The following TENM3 variants were observed in gnomAD, a reference collection of about 807,000 sequenced individuals.
The protein encoded by TENM3 is teneurin transmembrane protein 3.
Under a neutral mutation model 255.1 loss-of-function variants are expected in TENM3, and 63 were observed. That is an observed-to-expected ratio of 0.25 (90% CI 0.20 to 0.30). TENM3 has a LOEUF of 0.30. Among genes scored for constraint, TENM3 ranks in the 10% least tolerant of loss-of-function variants. The pLI, the probability that TENM3 is intolerant of heterozygous loss-of-function variation, is 1.00. For synonymous variants in TENM3, 1,306 were observed against 1,322.3 expected, an observed-to-expected ratio of 0.99 and a Z score of 0.27; for missense variants, 2,929 against 3,461.1, an observed-to-expected ratio of 0.85 and a Z score of 3.86.
the TENM3 span, among the ~76,000 whole-genome samples, chr4:181,478,893 T>G: frequency 6.6e-6 from 1 of 152,176 alleles, no homozygotes; most frequent in Non-Finnish European, 1.5e-5. Context: ...GAGAATAGAA[T>G]TGAAACGGGA....
chr4:182,117,021 T>C, the TENM3 span, among the ~76,000 whole-genome samples: 3 of 152,242 alleles, frequency 2.0e-5, no homozygotes, highest in African/African-American at 7.2e-5. Context: ...TGTTTTAACT[T>C]GCATTTCCCA....
chr4:182,478,784 A>G (rs749161583), intron 3 of TENM3, among the ~76,000 whole-genome samples: 1 of 151,970 alleles, frequency 6.6e-6, no homozygotes, highest in Non-Finnish European at 1.5e-5. Flanking sequence ...GATTATACTT[A>G]AATTTTGTGT....
At chr4:181,472,387 G>T in the TENM3 span, among the ~76,000 whole-genome samples, 3 of 152,064 alleles carry the variant, frequency 2.0e-5, no homozygotes, top group Non-Finnish European at 4.4e-5. Context: ...GGGGCAAATT[G>T]TCATACCACA....
At chr4:182,075,864 A>G in the TENM3 span, among the ~76,000 whole-genome samples, 1 of 152,118 alleles carries the variant, frequency 6.6e-6, no homozygotes, top group Non-Finnish European at 1.5e-5. Flanking sequence ...TTTCCCCTCA[A>G]ATAAAATCTG....
intron 1 of TENM3, among the ~76,000 whole-genome samples, chr4:182,275,136 T>G (rs1041581430): frequency 2.0e-5 from 3 of 152,170 alleles, no homozygotes; most frequent in Admixed American, 2.0e-4. Flanking sequence ...TATTTTTTAT[T>G]TAATTGGAGT....
At chr4:181,713,129 T>C in the TENM3 span, among the ~76,000 whole-genome samples, 6 of 152,214 alleles carry the variant, frequency 3.9e-5, no homozygotes, top group Non-Finnish European at 5.9e-5. Flanking sequence ...AATTAGACTG[T>C]TGGCACCTTC....
At chr4:182,079,109 T>C in the TENM3 span, among the ~76,000 whole-genome samples, 1 of 152,216 alleles carries the variant, frequency 6.6e-6, no homozygotes, top group Admixed American at 6.5e-5. Context: ...TAATTTGTGC[T>C]TTTGTCAAAA....
At chr4:181,852,359 A>G in the TENM3 span, among the ~76,000 whole-genome samples, 1 of 152,190 alleles carries the variant, frequency 6.6e-6, no homozygotes, top group Non-Finnish European at 1.5e-5. Context: ...CCTGAGTGGC[A>G]GGTGCTGGGT....
chr4:182,260,860 G>A (rs1758733275), intron 1 of TENM3, among the ~76,000 whole-genome samples: 1 of 152,076 alleles, frequency 6.6e-6, no homozygotes, highest in South Asian at 2.1e-4. Context: ...AGTATCTAGA[G>A]CTTAATTCAT....
chr4:181,872,466 C>A, the TENM3 span, among the ~76,000 whole-genome samples: 1 of 152,102 alleles, frequency 6.6e-6, no homozygotes, highest in Non-Finnish European at 1.5e-5. Context: ...GATCCTCCCC[C>A]TCCTTCCACC....
the TENM3 span, among the ~76,000 whole-genome samples, chr4:181,947,730 A>G: frequency 5.9e-5 from 9 of 152,306 alleles, no homozygotes; most frequent in East Asian, 1.9e-4. Context: ...CAAAAAAGAA[A>G]AAAAAAATGC....
At chr4:182,618,216 A>G (rs902961698) in intron 4 of TENM3, among the ~76,000 whole-genome samples, 3 of 152,134 alleles carry the variant, frequency 2.0e-5, no homozygotes, top group African/African-American at 7.2e-5. Flanking sequence ...GACTCAAACC[A>G]CTTGGAATAA....
chr4:182,361,329 C>T (rs1441326127), intron 3 of TENM3, among the ~76,000 whole-genome samples: 2 of 152,166 alleles, frequency 1.3e-5, no homozygotes, highest in Admixed American at 1.3e-4. Flanking sequence ...CAACTTGGTT[C>T]CATTCTCCCC....
chr4:182,711,521 A>G (rs566368242), intron 12 of TENM3: 2 of 881,442 alleles, frequency 2.3e-6, no homozygotes, highest in East Asian at 1.2e-4. Context: ...TTCTTGTCCC[A>G]TGTGACACTT....
intron 4 of TENM3, among the ~76,000 whole-genome samples, chr4:182,608,835 A>G (rs1252505909): frequency 6.6e-6 from 1 of 152,188 alleles, no homozygotes; most frequent in Non-Finnish European, 1.5e-5. Context: ...TCTGCGGACC[A>G]TAAAAATACC....
the TENM3 span, among the ~76,000 whole-genome samples, chr4:182,031,082 C>A: frequency 5.9e-5 from 9 of 152,190 alleles, no homozygotes; most frequent in South Asian, 1.9e-3. Context: ...TCAATTTTTG[C>A]TTTTGTTGCA....
chr4:182,587,178 C>T (rs1308048632), intron 3 of TENM3, among the ~76,000 whole-genome samples: 1 of 151,952 alleles, frequency 6.6e-6, no homozygotes, highest in Non-Finnish European at 1.5e-5. Flanking sequence ...GTAGCCTCAA[C>T]CTCCTAGGCT....
the TENM3 span, among the ~76,000 whole-genome samples, chr4:181,904,111 T>C: frequency 6.6e-6 from 1 of 152,130 alleles, no homozygotes; most frequent in Non-Finnish European, 1.5e-5. Flanking sequence ...CTGCAAAAAC[T>C]TGATACTCTT....
chr4:182,664,689 G>A (rs1227994970), intron 6 of TENM3, among the ~76,000 whole-genome samples: 2 of 152,164 alleles, frequency 1.3e-5, no homozygotes, highest in Non-Finnish European at 2.9e-5. Context: ...ATTCCAGTGA[G>A]CACATGAATG....
Sources: allele counts gnomAD v4.1 joint callset (sites outside exome capture counted in the v4.1 genomes callset), GRCh38; gene constraint gnomAD v4.1.1; transcripts MANE v1.5; gene names NCBI Gene and HGNC (gene_info 2026-07-23, HGNC 2026-07-21).